BIRC6: variants seen among roughly 807,000 people sequenced by gnomAD.
BIRC6 encodes baculoviral IAP repeat containing 6, also known as dual E2 ubiquitin-conjugating enzyme/E3 ubiquitin-protein ligase BIRC6.
A neutral mutation model predicts 503.3 loss-of-function variants in BIRC6; 98 were observed. The observed-to-expected ratio is 0.19, with a 90% CI of 0.17 to 0.23. The LOEUF is 0.23. BIRC6 is among the 10% of genes least tolerant of loss of function. The pLI, the probability that BIRC6 is intolerant of heterozygous loss-of-function variation, is 1.00. For missense variants in BIRC6, 5,360 were observed against 5,806.0 expected, an observed-to-expected ratio of 0.92 and a Z score of 2.50; for synonymous variants, 2,240 against 2,078.7, an observed-to-expected ratio of 1.08 and a Z score of -2.11.
chr2:32,475,017 C>T (rs751749214), intron 33 of BIRC6, among the ~76,000 whole-genome samples: 6 of 151,752 alleles, frequency 4.0e-5, no homozygotes, highest in African/African-American at 1.5e-4. Context: ...CAAGACCGGC[C>T]TGGCCAATGT....
intron 26 of BIRC6, among the ~76,000 whole-genome samples, chr2:32,467,075 C>T (rs990532239): frequency 1.3e-4 from 19 of 149,920 alleles, no homozygotes; most frequent in Middle Eastern, 3.4e-3. Context: ...GCAGAGATCG[C>T]GCCACTGCAC....
intron 12 of BIRC6, among the ~76,000 whole-genome samples, chr2:32,431,594 A>G (rs1041616989): frequency 2.6e-5 from 4 of 152,142 alleles, no homozygotes; most frequent in Non-Finnish European, 5.9e-5. Flanking sequence ...CATGTTGATG[A>G]CTTTGTTCCT....
At chr2:32,611,301 A>T in intron 72 of BIRC6, 147 bp from the exon 73 acceptor site, 1 of 361,964 alleles carries the variant, frequency 2.8e-6, no homozygotes, top group Non-Finnish European at 4.2e-6. Flanking sequence ...ATTTATAATA[A>T]TATTCTAAAT....
intron 45 of BIRC6, among the ~76,000 whole-genome samples, chr2:32,497,359 C>T (rs1011068938): frequency 6.6e-6 from 1 of 152,178 alleles, no homozygotes; most frequent in African/African-American, 2.4e-5. Context: ...GGTAGACACC[C>T]TTGGTCATAA....
chr2:32,545,481 A>G (rs1197352340), intron 62 of BIRC6, among the ~76,000 whole-genome samples, 162 bp from the exon 63 acceptor site: 2 of 152,160 alleles, frequency 1.3e-5, no homozygotes, highest in African/African-American at 4.8e-5. Context: ...TCGTTATTAA[A>G]TTTTAAGATA....
chr2:32,539,184 T>C (rs944699949), intron 61 of BIRC6, among the ~76,000 whole-genome samples: 1 of 152,250 alleles, frequency 6.6e-6, no homozygotes, highest in Admixed American at 6.5e-5. Context: ...AATTTGTGTG[T>C]ATTTAATAGC....
chr2:32,375,923 C>A (rs930648303), intron 1 of BIRC6, among the ~76,000 whole-genome samples: 1 of 152,032 alleles, frequency 6.6e-6, no homozygotes, highest in Non-Finnish European at 1.5e-5. Context: ...CAGTGGCTCA[C>A]GCCTATAATC....
rs371066503 is a variant in BIRC6 at position 32,594,437 on chromosome 2, A to AC, written c.13501+384dup. The AC allele has an allele frequency of 2.4e-5, 4 of 166,512 alleles. No homozygotes were observed. The South Asian group carries it at 4.7e-4, about 20-fold the overall frequency. 10.3% of individuals were successfully genotyped at this position (166,512 alleles called of 1,614,324 possible). On this transcript the variant is annotated intron_variant, in intron 67 of 73. Transcript: ENST00000421745. ...GCTGGCGCAGTGACTCACGCCTTTAACCCCCCCAGCACTTTGGGAGGACTA... is the reference window on the plus strand; with the variant it reads ...GCTGGCGCAGTGACTCACGCCTTTAACCCCCCCCAGCACTTTGGGAGGACTA...
At chr2:32,438,344 G>A (rs527889314) in intron 15 of BIRC6, among the ~76,000 whole-genome samples, 2 of 152,148 alleles carry the variant, frequency 1.3e-5, no homozygotes, top group Non-Finnish European at 2.9e-5. Flanking sequence ...ATGTAACAGT[G>A]TAGTGCTAGC....
At chr2:32,441,579 T>G in intron 17 of BIRC6, 117 bp downstream of exon 17, 1 of 906,140 alleles carries the variant, frequency 1.1e-6, no homozygotes, top group Non-Finnish European at 1.6e-6. Context: ...TTGTCCATTT[T>G]TCTTAAATAA....
intron 73 of BIRC6, among the ~76,000 whole-genome samples, chr2:32,615,450 A>G (rs553797115): frequency 2.6e-5 from 4 of 152,024 alleles, no homozygotes; most frequent in African/African-American, 4.8e-5. Context: ...TTTCCTATTT[A>G]TGTGTCTTAT....
rs765519562 is a variant in BIRC6 at position 32,509,739 on chromosome 2, A to G, written c.9982A>G (p.Ile3328Val). 2 of 1,613,790 alleles carry G rather than the reference A, an allele frequency of 1.2e-6. No individual in the cohort carries two copies. The highest frequency in any genetic ancestry group is 1.3e-5 in the African/African-American group (1 of 74,944). The change falls in exon 52 of 74, where the codon ATT becomes GTT. Residue 3328 changes from isoleucine (I) to valine (V), a missense_variant and splice_region_variant. By Grantham distance (29) the Ile-to-Val change is conservative. Around this residue, in one of 16 missense-constraint regions of BIRC6, gnomAD observed 62 missense variants for 107.4 expected, o/e 0.58. Coordinates refer to ENST00000421745, the MANE Select transcript of BIRC6 (RefSeq NM_016252.4). Reference protein sequence around the residue: ...PSEDQVSKTSIGWLRLLHHCL... With the variant: ...PSEDQVSKTSVGWLRLLHHCL... ...ATACAAGTCATTTTGTATTTTCAGT[A>G]TTGGATGGTTACGGTTATTACATCA...
intron 65 of BIRC6, among the ~76,000 whole-genome samples, chr2:32,552,174 C>T (rs1398400094): frequency 2.0e-5 from 3 of 152,158 alleles, no homozygotes; most frequent in Non-Finnish European, 4.4e-5. Context: ...TTTCTTATTA[C>T]TGTCCCACAC....
chr2:32,575,773 AAAAAG>A (rs1311419429), intron 66 of BIRC6, among the ~76,000 whole-genome samples: 1 of 152,160 alleles, frequency 6.6e-6, no homozygotes, highest in Non-Finnish European at 1.5e-5. Flanking sequence ...TCAAAAAAAA[AAAAAG>A]AAAGAAACAT....
At chr2:32,467,422 G>A in intron 26 of BIRC6, 103 bp from the exon 27 acceptor site, 1 of 876,698 alleles carries the variant, frequency 1.1e-6, no homozygotes, top group Non-Finnish European at 1.8e-6. Flanking sequence ...ATAGTTTAGT[G>A]AGTTGCTTTC....
intron 50 of BIRC6, among the ~76,000 whole-genome samples, chr2:32,505,580 T>G (rs899608320): frequency 2.6e-5 from 4 of 152,222 alleles, no homozygotes; most frequent in Non-Finnish European, 5.9e-5. Flanking sequence ...GAAATTAGCA[T>G]AGATTTGTGT....
At chr2:32,380,571 A>G (rs1439532749) in intron 3 of BIRC6, among the ~76,000 whole-genome samples, 2 of 152,070 alleles carry the variant, frequency 1.3e-5, no homozygotes, top group African/African-American at 2.4e-5. Context: ...TATTAAAAAT[A>G]CTAAAATTAG....
At chr2:32,523,820 G>C (rs562674683) in intron 57 of BIRC6, among the ~76,000 whole-genome samples, 2 of 152,302 alleles carry the variant, frequency 1.3e-5, no homozygotes, top group East Asian at 3.9e-4. Context: ...TTAGTAGGCT[G>C]AGGCAGGCAG....
At chr2:32,550,287 T>C (rs2058339471) in intron 65 of BIRC6, among the ~76,000 whole-genome samples, 1 of 152,200 alleles carries the variant, frequency 6.6e-6, no homozygotes, top group African/African-American at 2.4e-5. Context: ...TATTTTGTGG[T>C]TGGTAGCAGC....
Sources: gnomAD v4.1 joint callset for allele counts (sites outside exome capture counted in the v4.1 genomes callset) on GRCh38, gnomAD v4.1.1 for gene constraint, gnomAD v4.1.1 regional missense constraint, MANE v1.5 for transcripts, NCBI Gene and HGNC (gene_info 2026-07-23, HGNC 2026-07-21) for gene names.